PRELID2: variants seen among roughly 807,000 people sequenced by gnomAD.
PRELID2 encodes PRELI domain containing 2, also known as PRELI domain-containing protein 2.
A neutral mutation model predicts 28.4 loss-of-function variants in PRELID2; 25 were observed. The observed-to-expected ratio is 0.88, with a 90% confidence interval of 0.64 to 1.23. The LOEUF is 1.23. PRELID2 is among the 50% of genes most tolerant of loss of function. The pLI is 0.00. For synonymous variants in PRELID2, 76 were observed against 71.6 expected (o/e 1.06, Z -0.31); for missense variants, 201 against 214.4 (o/e 0.94, Z 0.39).
chr5:145,485,093 C>T (rs1478665437), intron 1 of PRELID2, among the ~76,000 whole-genome samples: 1 of 152,164 alleles, frequency 6.6e-6, no homozygotes, highest in Non-Finnish European at 1.5e-5. Flanking sequence ...ATTATAAAAT[C>T]TTTAAGATAA....
At chr5:145,696,002 T>G (rs1755252463) in intron 1 of PRELID2, among the ~76,000 whole-genome samples, 1 of 152,140 alleles carries the variant, frequency 6.6e-6, no homozygotes, top group African/African-American at 2.4e-5. Context: ...AAGTTTAATC[T>G]TCAAGCTTAT....
At chr5:145,552,850 A>G (rs75897556) in intron 1 of PRELID2, among the ~76,000 whole-genome samples, 225 of 152,308 alleles carry the variant, frequency 1.5e-3, no homozygotes, top group African/African-American at 5.4e-3. Flanking sequence ...AAAGTTATTG[A>G]AAACACCTGC....
At chr5:145,299,031 AT>A in the PRELID2 span, among the ~76,000 whole-genome samples, 1 of 152,176 alleles carries the variant, frequency 6.6e-6, no homozygotes, top group Admixed American at 6.5e-5. Context: ...TATATTTCTA[AT>A]TTTTTATTAT....
At chr5:145,665,428 A>C (rs112191717) in intron 1 of PRELID2, among the ~76,000 whole-genome samples, 1 of 152,138 alleles carries the variant, frequency 6.6e-6, no homozygotes, top group African/African-American at 2.4e-5. Context: ...CCATATATTT[A>C]CTGACTTTAC....
chr5:145,432,676 C>T, the PRELID2 span, among the ~76,000 whole-genome samples: 1 of 152,044 alleles, frequency 6.6e-6, no homozygotes, highest in Non-Finnish European at 1.5e-5. Flanking sequence ...TTCCTCCCTC[C>T]TTCCACAAAA....
the PRELID2 span, among the ~76,000 whole-genome samples, chr5:145,259,199 C>CA: frequency 6.6e-6 from 1 of 152,174 alleles, no homozygotes; most frequent in Admixed American, 6.5e-5. Flanking sequence ...GAGCAGAGCC[C>CA]TCATGGAGAA....
At chr5:145,373,157 G>C in the PRELID2 span, among the ~76,000 whole-genome samples, 4 of 27,600 alleles carry the variant, frequency 1.4e-4, no homozygotes, top group East Asian at 8.0e-3. Context: ...TAATATATAT[G>C]ATATATATTA....
intron 1 of PRELID2, among the ~76,000 whole-genome samples, chr5:145,734,904 C>T (rs1272592882): frequency 2.0e-5 from 3 of 152,162 alleles, no homozygotes; most frequent in Admixed American, 1.3e-4. Context: ...CCTGCTGAAT[C>T]TGAGTTTCTC....
intron 4 of PRELID2, among the ~76,000 whole-genome samples, 154 bp downstream of exon 4, chr5:145,817,740 A>T (rs1414086669): frequency 6.6e-6 from 1 of 152,076 alleles, no homozygotes; most frequent in Non-Finnish European, 1.5e-5. Flanking sequence ...CTTGCAAAAA[A>T]TTCATTAATT....
intron 1 of PRELID2, among the ~76,000 whole-genome samples, chr5:145,659,991 T>C (rs967899130): frequency 9.2e-5 from 14 of 152,124 alleles, no homozygotes; most frequent in Admixed American, 1.3e-4. Context: ...TTAATAATAG[T>C]AACAGTGGCT....
the PRELID2 span, among the ~76,000 whole-genome samples, chr5:145,434,787 G>T: frequency 1.3e-5 from 2 of 152,160 alleles, no homozygotes; most frequent in African/African-American, 4.8e-5. Flanking sequence ...AGTCATTACA[G>T]AAAGTTTCTA....
At chr5:145,696,109 A>T (rs1755255465) in intron 1 of PRELID2, among the ~76,000 whole-genome samples, 2 of 148,288 alleles carry the variant, frequency 1.3e-5, no homozygotes, top group South Asian at 4.3e-4. Context: ...AATCATGTAT[A>T]TATGGCTTAG....
chr5:145,522,757 AAGGAGG>A (rs10630945), intron 1 of PRELID2, among the ~76,000 whole-genome samples: 3 of 149,756 alleles, frequency 2.0e-5, no homozygotes, highest in Non-Finnish European at 3.0e-5. Context: ...TTGGAAGAAA[AAGGAGG>A]AGGAGGAGGA....
At chr5:145,818,150 G>A in intron 3 of PRELID2, 96 bp from the exon 4 acceptor site, 2 of 1,277,932 alleles carry the variant, frequency 1.6e-6, no homozygotes, top group Non-Finnish European at 2.2e-6. Context: ...ATAACCAAGA[G>A]GACAAGTAAT....
At chr5:145,799,372 G>A (rs902571706) in intron 4 of PRELID2, among the ~76,000 whole-genome samples, 4 of 152,076 alleles carry the variant, frequency 2.6e-5, no homozygotes, top group African/African-American at 7.2e-5. Flanking sequence ...ACTTAACTTT[G>A]CCTCATTCAT....
At chr5:145,797,909 A>C (rs1370062506) in intron 4 of PRELID2, among the ~76,000 whole-genome samples, 1 of 152,020 alleles carries the variant, frequency 6.6e-6, no homozygotes, top group Non-Finnish European at 1.5e-5. Context: ...TTACCTCACA[A>C]AGAACTTGAA....
At chr5:145,533,826 C>A (rs1244077292) in intron 1 of PRELID2, among the ~76,000 whole-genome samples, 1 of 152,050 alleles carries the variant, frequency 6.6e-6, no homozygotes, top group African/African-American at 2.4e-5. Flanking sequence ...AGTATCTGAG[C>A]AGCCTATTGC....
chr5:145,596,099 C>CA (rs552746530), intron 1 of PRELID2, among the ~76,000 whole-genome samples: 2,851 of 43,438 alleles, frequency 0.066, 120 homozygotes, highest in Non-Finnish European at 0.082. Context: ...GAGCCTGTCT[C>CA]AAAAAAAAAA....
At chr5:145,539,890 T>C (rs1210024146) in intron 1 of PRELID2, among the ~76,000 whole-genome samples, 1 of 151,788 alleles carries the variant, frequency 6.6e-6, no homozygotes, top group Admixed American at 6.6e-5. Context: ...CTATGAAAAA[T>C]GTTAGTATTA....
Sources: allele counts gnomAD v4.1 joint callset (sites outside exome capture counted in the v4.1 genomes callset), GRCh38; gene constraint gnomAD v4.1.1; transcripts MANE v1.5; gene names NCBI Gene and HGNC (gene_info 2026-07-23, HGNC 2026-07-21).